KALRN: variants seen among roughly 807,000 people sequenced by gnomAD.
KALRN encodes the protein kalirin RhoGEF kinase.
A neutral mutation model predicts 353.7 loss-of-function variants in KALRN; 70 were observed. The ratio of observed to expected loss-of-function variants is 0.20; its 90% confidence interval spans 0.16 to 0.24. The LOEUF is 0.24. KALRN is among the 10% of genes least tolerant of loss of function. The pLI, the probability that KALRN is intolerant of heterozygous loss-of-function variation, is 1.00. For missense variants in KALRN, 2,791 were observed against 3,756.7 expected (o/e 0.74, Z 6.72); for synonymous variants, 1,391 against 1,434.8 (o/e 0.97, Z 0.69).
chr3:124,404,372 C>A (rs1576631016), intron 13 of KALRN, among the ~76,000 whole-genome samples: 1 of 152,020 alleles, frequency 6.6e-6, no homozygotes, highest in East Asian at 1.9e-4. Context: ...TCACCTCTTT[C>A]TGGATAGGAC....
intron 4 of KALRN, among the ~76,000 whole-genome samples, chr3:124,265,814 T>C (rs1282171823): frequency 4.1e-4 from 63 of 152,146 alleles, no homozygotes. Context: ...TTGGTGACAT[T>C]AATCCACAAA....
chr3:124,549,385 TCACA>T (rs374992639), intron 33 of KALRN, among the ~76,000 whole-genome samples: 9 of 130,988 alleles, frequency 6.9e-5, no homozygotes, highest in African/African-American at 2.5e-4. Context: ...ACACACACAA[TCACA>T]CACACACACA....
chr3:124,570,240 C>T (rs1181441253), intron 34 of KALRN, among the ~76,000 whole-genome samples: 2 of 152,144 alleles, frequency 1.3e-5, no homozygotes, highest in African/African-American at 4.8e-5. Context: ...GATGAATATT[C>T]CCTAAACATT....
rs72978469 is a variant in KALRN at position 124,395,474 on chromosome 3, T to C, written c.2171+131T>C. ...AGCTTCGGTTTCTTTATCTGTAAGA[T>C]GTAAAAATGCCTGCACCATACTCAA... On this transcript the variant is annotated intron_variant, in intron 12 of 59. Coordinates refer to ENST00000682506, the MANE Select transcript of KALRN (RefSeq NM_001388419.1). The C allele has an allele frequency of 1.7e-3, 1,122 of 674,122 alleles. 12 individuals are homozygous for C. In the African/African-American group the frequency reaches 0.018, roughly 11 times the overall value. 41.8% of individuals were successfully genotyped at this position (674,122 alleles called of 1,614,324 possible). A position where few individuals can be genotyped will look rare whatever the true frequency, so the allele number is the denominator to read the frequency against.
rs1216374082 is a variant in KALRN, at chr3:124,406,787, TTTTACTAAC to T, written c.2347-6674_2347-6666del. On this transcript the variant is annotated intron_variant, in intron 13 of 59. Coordinates refer to ENST00000682506, the MANE Select transcript of KALRN (RefSeq NM_001388419.1). ...TTAGACTGCCTGGGTTTGAAACCTG[TTTTACTAAC>T]TTTACTAATTGTGTGGCCTTAAGCA... 2.0e-5 allele frequency among the ~76,000 whole-genome samples: 3 copies of T among 152,152 alleles called. No individual in the cohort carries two copies. The East Asian group carries it at 5.8e-4, about 29-fold the overall frequency.
chr3:124,276,846 G>A (rs1158790169), intron 5 of KALRN, among the ~76,000 whole-genome samples: 1 of 152,182 alleles, frequency 6.6e-6, no homozygotes, highest in Non-Finnish European at 1.5e-5. Context: ...TTCACAGATG[G>A]GAAAGCTGAG....
intron 6 of KALRN, among the ~76,000 whole-genome samples, chr3:124,312,828 C>G (rs775655463): frequency 7.2e-5 from 11 of 152,182 alleles, no homozygotes; most frequent in Non-Finnish European, 1.2e-4. Context: ...GAATTTTGCC[C>G]ACTAGAGTAT....
chr3:124,402,775 T>C (rs768954599), intron 13 of KALRN, among the ~76,000 whole-genome samples: 4 of 152,242 alleles, frequency 2.6e-5, no homozygotes, highest in African/African-American at 7.2e-5. Context: ...GTTTTTTCAT[T>C]AGAAATTGTG....
chr3:124,708,596 T>C (rs1321667350), intron 57 of KALRN, among the ~76,000 whole-genome samples: 2 of 151,860 alleles, frequency 1.3e-5, no homozygotes, highest in Admixed American at 6.6e-5. Context: ...AGAGAAAAAA[T>C]GTTTTACAAA....
chr3:124,279,500 C>T (rs1007757139), intron 5 of KALRN, among the ~76,000 whole-genome samples: 3 of 152,094 alleles, frequency 2.0e-5, no homozygotes, highest in Non-Finnish European at 4.4e-5. Flanking sequence ...CCATCCACAA[C>T]AAAGATGCCA....
intron 37 of KALRN, among the ~76,000 whole-genome samples, chr3:124,638,151 A>G (rs148043123): frequency 2.2e-4 from 34 of 152,292 alleles, no homozygotes; most frequent in Middle Eastern, 6.8e-3. Context: ...CCAGACTTCT[A>G]TTGGGCAGTC....
intron 5 of KALRN, among the ~76,000 whole-genome samples, chr3:124,291,232 G>A (rs543285003): frequency 3.7e-4 from 56 of 152,320 alleles, no homozygotes; most frequent in African/African-American, 8.9e-4. Context: ...TAACAACTCC[G>A]TTGGCACAGC....
At chr3:124,266,451 G>A (rs1269014248) in intron 4 of KALRN, among the ~76,000 whole-genome samples, 1 of 151,858 alleles carries the variant, frequency 6.6e-6, no homozygotes, top group Non-Finnish European at 1.5e-5. Flanking sequence ...TTTTCTGGAG[G>A]GTATATGTTT....
In KALRN at chr3:124,543,724, C is replaced by A. The variant is rs375375266; in HGVS notation, c.4936-19119C>A. Among the ~76,000 whole-genome samples the A allele has an allele frequency of 1.1e-4, 16 of 151,242 alleles. No individual in the cohort carries two copies. The South Asian group carries it at 1.3e-3, about 12-fold the overall frequency. On this transcript the variant is annotated intron_variant, in intron 33 of 59. Coordinates refer to ENST00000682506, the MANE Select transcript of KALRN (RefSeq NM_001388419.1). ...TACTTGATGAAAGATAATTCTCATT[C>A]GGCAGTAATTAGTAGAAGAGAAATT...
chr3:124,658,235 T>G (rs1201549925), intron 41 of KALRN, among the ~76,000 whole-genome samples, 196 bp from the exon 42 acceptor site: 2 of 152,198 alleles, frequency 1.3e-5, no homozygotes, highest in African/African-American at 4.8e-5. Flanking sequence ...CTAAGTTTTT[T>G]TGTTTTTTTG....
At chr3:124,175,629 A>G (rs1004067813) in intron 1 of KALRN, among the ~76,000 whole-genome samples, 2 of 146,154 alleles carry the variant, frequency 1.4e-5, no homozygotes, top group African/African-American at 5.2e-5. Context: ...GATCTCCAGG[A>G]TGGGGAAATG....
chr3:124,291,438 T>C (rs2076413764), intron 5 of KALRN, among the ~76,000 whole-genome samples: 1 of 152,192 alleles, frequency 6.6e-6, no homozygotes, highest in Non-Finnish European at 1.5e-5. Flanking sequence ...CCATCTTTTA[T>C]CTGTTTTCAG....
In KALRN at chr3:124,268,843, T is replaced by C. The variant is rs751239598; in HGVS notation, c.557T>C (p.Ile186Thr). The C allele has an allele frequency of 2.5e-6, 4 of 1,614,048 alleles. No individual in the cohort carries two copies. The highest frequency in any genetic ancestry group is 3.4e-6 in the Non-Finnish European group (4 of 1,180,016). ...CTGGACTACAACCATGAGGAGTGGATCGAACTGCGGCTCTCCCTGGAGGAG... is the reference window on the plus strand; with the variant it reads ...CTGGACTACAACCATGAGGAGTGGACCGAACTGCGGCTCTCCCTGGAGGAG... ...GSLDYNHEEWIELRLSLEEFF... is the reference protein window; with the variant it reads ...GSLDYNHEEWTELRLSLEEFF... The change falls in exon 5 of 60, where the codon ATC becomes ACC. Residue 186 changes from isoleucine to threonine, a missense_variant. Ile to Thr is a moderately conservative substitution (Grantham distance 89, BLOSUM62 -1). Coordinates refer to ENST00000682506, the MANE Select transcript of KALRN (RefSeq NM_001388419.1).
chr3:124,247,445 A>T (rs952059234), intron 3 of KALRN, among the ~76,000 whole-genome samples: 3 of 45,458 alleles, frequency 6.6e-5, no homozygotes, highest in Non-Finnish European at 1.1e-4. Flanking sequence ...AAAATGTTTC[A>T]CCTGCTATGT....
Sources: allele counts gnomAD v4.1 joint callset (sites outside exome capture counted in the v4.1 genomes callset), GRCh38; gene constraint gnomAD v4.1.1; transcripts MANE v1.5; gene names NCBI Gene and HGNC (gene_info 2026-07-23, HGNC 2026-07-21).